PTPRT: variants seen among roughly 807,000 people sequenced by gnomAD.
PTPRT encodes the protein receptor-type tyrosine-protein phosphatase T.
A neutral mutation model predicts 176.8 loss-of-function variants in PTPRT; 56 were observed. The ratio of observed to expected loss-of-function variants is 0.32; its 90% confidence interval spans 0.26 to 0.40. The LOEUF (loss-of-function observed/expected upper bound fraction) is 0.40, where lower values mean the gene tolerates loss of function less well. PTPRT is among the 10% of genes least tolerant of loss of function. The probability of loss-of-function intolerance (pLI) is 1.00; values close to 1 mark genes in which losing one functional copy is unlikely to be tolerated. For synonymous variants in PTPRT, 783 were observed against 739.0 expected (o/e 1.06, Z -0.96); for missense variants, 1,540 against 1,908.2 (o/e 0.81, Z 3.60).
chr20:42,573,100 T>G (rs1028048735), intron 7 of PTPRT, among the ~76,000 whole-genome samples: 4 of 152,182 alleles, frequency 2.6e-5, no homozygotes, highest in Admixed American at 6.5e-5. Flanking sequence ...CAGAATGAAT[T>G]AATTAACAAC....
chr20:43,159,078 TA>T lies in PTPRT; in HGVS notation c.88+30567del, dbSNP rs551195930. 8.1e-3 allele frequency among the ~76,000 whole-genome samples: 1,237 copies of T among 152,228 alleles called. 21 individuals are homozygous for T. The highest frequency in any genetic ancestry group is 0.028 in the African/African-American group (1,173 of 41,544). ...CACTGGTTAAGGAGAGGCCAAGTGATAAAGAGAAAGAAAGAAGCCAGTGAAG... is the reference window on the plus strand; with the variant it reads ...CACTGGTTAAGGAGAGGCCAAGTGATAAGAGAAAGAAAGAAGCCAGTGAAG... On this transcript the variant is annotated intron_variant, in intron 1 of 30. Coordinates refer to ENST00000373187, the MANE Select transcript of PTPRT (RefSeq NM_007050.6).
intron 7 of PTPRT, among the ~76,000 whole-genome samples, chr20:42,594,430 C>T (rs1215109632): frequency 2.6e-5 from 4 of 152,172 alleles, no homozygotes; most frequent in Admixed American, 1.3e-4. Flanking sequence ...AATGTTCGTT[C>T]TCTTTCTCTC....
At chr20:42,156,916 T>G (rs898449961) in intron 17 of PTPRT, among the ~76,000 whole-genome samples, 2 of 152,208 alleles carry the variant, frequency 1.3e-5, no homozygotes, top group African/African-American at 4.8e-5. Context: ...TAGAAGGAAG[T>G]AAGGTCAGAT....
At chr20:42,320,268 G>A (rs1260033625) in intron 11 of PTPRT, among the ~76,000 whole-genome samples, 2 of 152,138 alleles carry the variant, frequency 1.3e-5, no homozygotes, top group Admixed American at 6.5e-5. Context: ...AAAGCCTGCT[G>A]CTTGACCATC....
At chr20:42,197,256 G>A (rs1991260890) in intron 16 of PTPRT, among the ~76,000 whole-genome samples, 1 of 151,506 alleles carries the variant, frequency 6.6e-6, no homozygotes, top group African/African-American at 2.4e-5. Context: ...GTGGGCACCT[G>A]TATTCCCAGC....
At chr20:42,512,697 A>G (rs1186495509) in intron 7 of PTPRT, among the ~76,000 whole-genome samples, 1 of 152,110 alleles carries the variant, frequency 6.6e-6, no homozygotes, top group African/African-American at 2.4e-5. Flanking sequence ...AAATTAACTA[A>G]ATGTTTTCAA....
chr20:42,325,124 A>G (rs2057863300), intron 11 of PTPRT, among the ~76,000 whole-genome samples: 2 of 152,140 alleles, frequency 1.3e-5, no homozygotes, highest in East Asian at 1.9e-4. Context: ...CTATAATCCA[A>G]TGAAGTGAGG....
chr20:43,009,659 C>T (rs1426971242), intron 1 of PTPRT, among the ~76,000 whole-genome samples: 2 of 152,118 alleles, frequency 1.3e-5, no homozygotes, highest in Admixed American at 1.3e-4. Context: ...TCCCGTGACG[C>T]GTAGGCAGGA....
rs184196199 is a variant in PTPRT, at chr20:42,088,427, C to T, written c.3847-2574G>A. On this transcript the variant is annotated intron_variant, in intron 27 of 30. Transcript: ENST00000373187. ...ACAGCCATCTCACCCTGAGAAGTCA[C>T]ATGTGAAAATACCTTCATTCTCTCC... Among the ~76,000 whole-genome samples, 27 of 152,298 alleles carry T rather than the reference C, an allele frequency of 1.8e-4. No individual in the cohort carries two copies. In the East Asian group the frequency reaches 3.9e-3, roughly 22 times the overall value.
the PTPRT span, among the ~76,000 whole-genome samples, chr20:42,038,757 A>G: frequency 1.9e-4 from 29 of 152,292 alleles, no homozygotes; most frequent in Non-Finnish European, 3.2e-4. Context: ...GAAGGTAGCA[A>G]GAGAGTGGGA....
intron 7 of PTPRT, among the ~76,000 whole-genome samples, chr20:42,607,939 T>G (rs2073908169): frequency 6.6e-6 from 1 of 152,148 alleles, no homozygotes; most frequent in African/African-American, 2.4e-5. Context: ...AAGGGCATCC[T>G]CATGTGGACC....
At chr20:42,681,643 T>C (rs973538110) in intron 6 of PTPRT, among the ~76,000 whole-genome samples, 1 of 152,186 alleles carries the variant, frequency 6.6e-6, no homozygotes, top group Non-Finnish European at 1.5e-5. Context: ...CACACTGTCC[T>C]AGGCACAGAC....
rs553428472 is a variant in PTPRT at position 42,111,011 on chromosome 20, A to ATTCT, written c.3100-528_3100-525dup. Among the ~76,000 whole-genome samples the ATTCT allele has an allele frequency of 1.4e-3, 215 of 152,296 alleles. 3 individuals carry two copies. The highest frequency in any genetic ancestry group is 3.4e-3 in the Middle Eastern group (1 of 294). On this transcript the variant is annotated intron_variant, in intron 22 of 30. Coordinates refer to ENST00000373187, the MANE Select transcript of PTPRT (RefSeq NM_007050.6). ...TAGTACTGACTTCTTTATTAAGTAG[A>ATTCT]TTCTTACTTAGAATGATTACATAAG...
rs966612734 is a variant in PTPRT, at chr20:42,244,905, T to C, written c.2312+3782A>G. On this transcript the variant is annotated intron_variant, in intron 14 of 30. Transcript: ENST00000373187. ...CCCATGGTATTAAGTTAAGAAAACA[T>C]AGAGTTGGTCATGCAACCTCTTGAT... Among the ~76,000 whole-genome samples, 81 of 152,190 alleles carry C rather than the reference T, an allele frequency of 5.3e-4. 2 individuals are homozygous for C. Among genetic ancestry groups the C allele is most frequent in the Non-Finnish European group, 3.7e-4 (25 of 68,038 alleles).
At chr20:42,793,657 A>T (rs2077409931) in intron 2 of PTPRT, among the ~76,000 whole-genome samples, 1 of 152,178 alleles carries the variant, frequency 6.6e-6, no homozygotes, top group East Asian at 1.9e-4. Flanking sequence ...TCTCTATGTC[A>T]GAGAAGTTAT....
chr20:42,068,204 T>C (rs1982160153), downstream of PTPRT, among the ~76,000 whole-genome samples: 1 of 152,134 alleles, frequency 6.6e-6, no homozygotes, highest in Non-Finnish European at 1.5e-5. Flanking sequence ...CAGAGAATAG[T>C]ACCAGAAATT....
At chr20:42,654,594 C>T (rs2075091124) in intron 7 of PTPRT, among the ~76,000 whole-genome samples, 1 of 152,180 alleles carries the variant, frequency 6.6e-6, no homozygotes, top group South Asian at 2.1e-4. Flanking sequence ...TCCAACACAT[C>T]CAGACAATAC....
At position 43,189,546 on chromosome 20, in the gene PTPRT, G is replaced by T; in HGVS notation, c.88+100C>A. On this transcript the variant is annotated intron_variant, in intron 1 of 30. Transcript: ENST00000373187. This position sits in a 1 kb window ranked among gnomAD's most constrained non-coding sequence, Gnocchi z 5.0. ...CGGCCATGGGGACCCGCGCCCCCGC[G>T]AGCCCACACAACTTTCTCCTCCGAG... 1.3e-6 allele frequency: 1 copy of T among 747,412 alleles called. No homozygotes were observed. The highest frequency in any genetic ancestry group is 1.8e-6 in the Non-Finnish European group (1 of 566,650). The allele number at this position is 747,412 out of a possible 1,614,324, so 46.3% of individuals were successfully genotyped here.
At chr20:43,033,876 G>A (rs556508916) in intron 1 of PTPRT, among the ~76,000 whole-genome samples, 16 of 152,210 alleles carry the variant, frequency 1.1e-4, no homozygotes, top group Admixed American at 2.6e-4. Context: ...TTGAAACCCC[G>A]GAACATCCAA....
Sources: allele counts gnomAD v4.1 joint callset (sites outside exome capture counted in the v4.1 genomes callset), GRCh38; gene constraint gnomAD v4.1.1; non-coding constraint Gnocchi (gnomAD v3.1); transcripts MANE v1.5; gene names NCBI Gene and HGNC (gene_info 2026-07-23, HGNC 2026-07-21).